The following THSD7A variants were observed in gnomAD, a reference collection of about 807,000 sequenced individuals.
THSD7A encodes the protein thrombospondin type-1 domain-containing protein 7A.
THSD7A carries 96 observed loss-of-function variants against 231.3 expected under a neutral mutation model. The observed-to-expected ratio is 0.41, with a 90% CI of 0.35 to 0.49. The LOEUF is 0.49. Among genes scored for constraint, THSD7A ranks in the 20% least tolerant of loss-of-function variants. The probability of loss-of-function intolerance (pLI) is 0.05; values close to 1 mark genes in which losing one functional copy is unlikely to be tolerated. For synonymous variants in THSD7A, 940 were observed against 743.3 expected, an observed-to-expected ratio of 1.26 and a Z score of -4.30; for missense variants, 2,290 against 2,070.2, an observed-to-expected ratio of 1.11 and a Z score of -2.06.
intron 23 of THSD7A, among the ~76,000 whole-genome samples, chr7:11,396,987 C>T (rs767941435): frequency 4.6e-5 from 7 of 152,174 alleles, no homozygotes; most frequent in Non-Finnish European, 7.3e-5. Flanking sequence ...ATATGTGAAT[C>T]AATAAACGTA....
At chr7:11,489,751 C>A (rs934583771) in intron 6 of THSD7A, among the ~76,000 whole-genome samples, 2 of 152,028 alleles carry the variant, frequency 1.3e-5, no homozygotes, top group Non-Finnish European at 1.5e-5. Flanking sequence ...AATATTACTG[C>A]AAGAGTTGAG....
intron 1 of THSD7A, among the ~76,000 whole-genome samples, chr7:11,657,188 T>A (rs1298272390): frequency 6.6e-6 from 1 of 151,800 alleles, no homozygotes; most frequent in Non-Finnish European, 1.5e-5. Flanking sequence ...CCAGTCAGAA[T>A]GGGGGAAAAT....
Position 11,481,901 on chromosome 7 carries a change from C to T in THSD7A, c.1904G>A (p.Cys635Tyr). ...CCACGTAGACCATGTGCTGAGCACA[C>T]AGTCTTTCGGGCATGGGGCATCACA... ...VACDAPCPKD[C>Y]VLSTWSTWSS... Residue 635 changes from cysteine to tyrosine, a missense_variant, in exon 7 of 28, where the codon TGT (cysteine) becomes TAT (tyrosine). By Grantham distance (194) the Cys-to-Tyr change is radical. Coordinates refer to ENST00000423059, the MANE Select transcript of THSD7A (RefSeq NM_015204.3). 1 of 1,613,756 alleles carries T rather than the reference C, an allele frequency of 6.2e-7. No individual in the cohort carries two copies. The highest frequency in any genetic ancestry group is 8.5e-7 in the Non-Finnish European group (1 of 1,179,728).
intron 17 of THSD7A, among the ~76,000 whole-genome samples, chr7:11,415,835 T>TTTTG (rs1783941157): frequency 1.3e-5 from 2 of 152,210 alleles, no homozygotes; most frequent in South Asian, 4.1e-4. Flanking sequence ...TAGTTACTCA[T>TTTTG]TTTGTTTGTC....
intron 4 of THSD7A, among the ~76,000 whole-genome samples, chr7:11,554,293 GCATA>G (rs1412673846): frequency 2.6e-5 from 4 of 151,966 alleles, no homozygotes; most frequent in Non-Finnish European, 5.9e-5. Context: ...CCATGTGAAG[GCATA>G]CAGAGAAGTA....
intron 1 of THSD7A, among the ~76,000 whole-genome samples, chr7:11,727,477 T>G (rs1276979625): frequency 1.3e-5 from 2 of 151,940 alleles, no homozygotes; most frequent in Non-Finnish European, 2.9e-5. Flanking sequence ...AATAAATAAA[T>G]CACCTATAGA....
chr7:11,540,482 A>G (rs1789098322), intron 6 of THSD7A, among the ~76,000 whole-genome samples: 1 of 152,228 alleles, frequency 6.6e-6, no homozygotes, highest in African/African-American at 2.4e-5. Flanking sequence ...CCAAGGGGGC[A>G]CCAGGGTGTT....
chr7:11,429,303 A>G (rs1784411337), intron 13 of THSD7A, among the ~76,000 whole-genome samples, 178 bp from the exon 14 acceptor site: 1 of 152,232 alleles, frequency 6.6e-6, no homozygotes. Context: ...TCACATACAT[A>G]CAGTGACTCT....
chr7:11,516,488 C>A (rs756482719), intron 6 of THSD7A, among the ~76,000 whole-genome samples: 2 of 152,200 alleles, frequency 1.3e-5, no homozygotes, highest in African/African-American at 4.8e-5. Flanking sequence ...TCATCCCCAT[C>A]TTCCTATAAA....
chr7:11,375,857 T>C lies in THSD7A; in HGVS notation c.4911A>G (p.Gln1637=). 1 of 1,612,774 alleles carries C rather than the reference T, an allele frequency of 6.2e-7. No homozygotes were observed. Among genetic ancestry groups the C allele is most frequent in the Non-Finnish European group, 8.5e-7 (1 of 1,179,046 alleles). ...YLACKKPKKP[Q]RRQNNRLKPL... ...GTTTCAGTCGGTTGTTTTGCCTTCT[T>C]TGGGGTTTCTTTGGCTTTTTGCTGT... The change falls in exon 28 of 28, where the codon CAA becomes CAG. Residue 1637 remains glutamine (Q), a synonymous_variant. Transcript: ENST00000423059.
In THSD7A at chr7:11,760,763, A is replaced by C. The variant is rs1019864439; in HGVS notation, c.190+70994T>G. Reference sequence around the variant, plus strand: ...ACCAGTTTAAAACCATATAATCAAAATAATTACTTTTAACTGAAAATAATT... The same window carrying C: ...ACCAGTTTAAAACCATATAATCAAACTAATTACTTTTAACTGAAAATAATT... On this transcript the variant is annotated intron_variant, in intron 1 of 27. Transcript: ENST00000423059. 3.3e-5 allele frequency among the ~76,000 whole-genome samples: 5 copies of C among 152,136 alleles called. No individual in the cohort carries two copies. In the South Asian group the frequency reaches 1.0e-3, roughly 32 times the overall value.
At chr7:11,556,008 G>C (rs1051343525) in intron 4 of THSD7A, among the ~76,000 whole-genome samples, 1 of 151,108 alleles carries the variant, frequency 6.6e-6, no homozygotes, top group Admixed American at 6.6e-5. Context: ...TGAATAGTTG[G>C]GTCCTGCTTC....
At chr7:11,532,555 T>G (rs1339042745) in intron 6 of THSD7A, among the ~76,000 whole-genome samples, 3 of 152,166 alleles carry the variant, frequency 2.0e-5, no homozygotes, top group Non-Finnish European at 4.4e-5. Flanking sequence ...TCCTACCCAT[T>G]GAATCTAGAT....
At chr7:11,712,250 T>C (rs1780992385) in intron 1 of THSD7A, among the ~76,000 whole-genome samples, 1 of 151,060 alleles carries the variant, frequency 6.6e-6, no homozygotes, top group Non-Finnish European at 1.5e-5. Context: ...TTCTGGGTGA[T>C]GGGCTGATCC....
At chr7:11,741,032 T>C (rs1034587584) in intron 1 of THSD7A, among the ~76,000 whole-genome samples, 2 of 151,964 alleles carry the variant, frequency 1.3e-5, no homozygotes, top group African/African-American at 4.8e-5. Flanking sequence ...ACTGAGACAC[T>C]GAAGAGAATG....
chr7:11,708,094 G>A (rs1187921098), intron 1 of THSD7A, among the ~76,000 whole-genome samples: 1 of 150,568 alleles, frequency 6.6e-6, no homozygotes, highest in Non-Finnish European at 1.5e-5. Flanking sequence ...CCCTACTCAT[G>A]CGTTATTAAT....
chr7:11,591,379 A>G (rs190011882), intron 3 of THSD7A, among the ~76,000 whole-genome samples: 1 of 152,292 alleles, frequency 6.6e-6, no homozygotes, highest in African/African-American at 2.4e-5. Context: ...CACCGAAGAC[A>G]GGAAGTGATG....
At chr7:11,391,922 G>A (rs1374530937) in intron 23 of THSD7A, among the ~76,000 whole-genome samples, 1 of 152,060 alleles carries the variant, frequency 6.6e-6, no homozygotes, top group African/African-American at 2.4e-5. Context: ...TCCGTGGGCT[G>A]CACCCACTGT....
At chr7:11,543,458 G>T (rs1789239314) in intron 4 of THSD7A, among the ~76,000 whole-genome samples, 1 of 152,128 alleles carries the variant, frequency 6.6e-6, no homozygotes, top group South Asian at 2.1e-4. Context: ...AATATTCTAA[G>T]AAAGTAAAAG....
Sources: gnomAD v4.1 joint callset for allele counts (sites outside exome capture counted in the v4.1 genomes callset) on GRCh38, gnomAD v4.1.1 for gene constraint, MANE v1.5 for transcripts, NCBI Gene and HGNC (gene_info 2026-07-23, HGNC 2026-07-21) for gene names.